FOXP1: variants seen among roughly 807,000 people sequenced by gnomAD.
FOXP1 encodes forkhead box protein P1.
FOXP1 carries 15 observed loss-of-function variants against 98.2 expected under a neutral mutation model. The observed-to-expected ratio is 0.15, with a 90% CI of 0.10 to 0.24. FOXP1 has a LOEUF of 0.24. Among genes scored for constraint, FOXP1 ranks in the 10% least tolerant of loss-of-function variants. The pLI is 1.00. For missense variants in FOXP1, 633 were observed against 848.5 expected, an observed-to-expected ratio of 0.75 and a Z score of 3.15; for synonymous variants, 371 against 314.5, an observed-to-expected ratio of 1.18 and a Z score of -1.90.
chr3:71,509,797 C>T (rs1394195182), intron 2 of FOXP1, among the ~76,000 whole-genome samples: 3 of 152,174 alleles, frequency 2.0e-5, no homozygotes, highest in African/African-American at 7.2e-5. Flanking sequence ...AAGAAGATCA[C>T]TTGAGCACAG....
chr3:71,294,588 GAATT>G (rs2073092781), intron 5 of FOXP1, among the ~76,000 whole-genome samples: 1 of 152,038 alleles, frequency 6.6e-6, no homozygotes, highest in African/African-American at 2.4e-5. Flanking sequence ...TCTGCAGTAA[GAATT>G]AATATATGTA....
chr3:71,407,301 G>A (rs1028226666), intron 3 of FOXP1, among the ~76,000 whole-genome samples: 1 of 152,140 alleles, frequency 6.6e-6, no homozygotes. Context: ...GTTTTTTGGA[G>A]GCTGGGGTGG....
intron 19 of FOXP1, among the ~76,000 whole-genome samples, chr3:70,967,627 T>TTTC (rs2035093084): frequency 6.6e-6 from 1 of 150,802 alleles, no homozygotes; most frequent in Non-Finnish European, 1.5e-5. Flanking sequence ...ATAAAGCTTT[T>TTTC]TTTCTTTCTT....
At chr3:71,139,732 C>G (rs991799912) in intron 6 of FOXP1, among the ~76,000 whole-genome samples, 185 of 152,152 alleles carry the variant, frequency 1.2e-3, no homozygotes, top group African/African-American at 4.3e-3. Context: ...GGAAGCCAAC[C>G]AAGTGGAGAC....
At chr3:71,158,205 G>C (rs1466871337) in intron 6 of FOXP1, among the ~76,000 whole-genome samples, 1 of 151,208 alleles carries the variant, frequency 6.6e-6, no homozygotes, top group Non-Finnish European at 1.5e-5. Flanking sequence ...AAGAAAGAAA[G>C]GGAAAGAAAG....
At chr3:71,250,927 T>C (rs1398250306) in intron 5 of FOXP1, among the ~76,000 whole-genome samples, 1 of 152,014 alleles carries the variant, frequency 6.6e-6, no homozygotes, top group Non-Finnish European at 1.5e-5. Flanking sequence ...TGAGACTGTG[T>C]CTCAAAAAAA....
At chr3:70,999,694 C>G (rs988978519) in intron 13 of FOXP1, among the ~76,000 whole-genome samples, 3 of 151,186 alleles carry the variant, frequency 2.0e-5, no homozygotes, top group Admixed American at 1.3e-4. Flanking sequence ...AAAAAAAAAT[C>G]CTTTCTATCC....
intron 3 of FOXP1, among the ~76,000 whole-genome samples, chr3:71,361,720 T>C (rs2078584827): frequency 6.6e-6 from 1 of 152,208 alleles, no homozygotes; most frequent in Non-Finnish European, 1.5e-5. Flanking sequence ...CCGGTCTGCT[T>C]TCACCGCTGC....
chr3:71,384,728 G>A (rs1289824799), intron 3 of FOXP1, among the ~76,000 whole-genome samples: 1 of 152,184 alleles, frequency 6.6e-6, no homozygotes, highest in African/African-American at 2.4e-5. Context: ...CATATCACTG[G>A]CAGTCTGAGT....
At chr3:71,199,110 CTTT>C (rs11441489) in intron 5 of FOXP1, among the ~76,000 whole-genome samples, 3 of 140,278 alleles carry the variant, frequency 2.1e-5, no homozygotes, top group Non-Finnish European at 1.5e-5. Context: ...TGGTATTACA[CTTT>C]TTTTTTTTTT....
intron 6 of FOXP1, among the ~76,000 whole-genome samples, chr3:71,134,584 C>G (rs1232922486): frequency 6.6e-6 from 1 of 152,124 alleles, no homozygotes; most frequent in Non-Finnish European, 1.5e-5. Flanking sequence ...GGAAAAAATA[C>G]AGCGAAACAA....
rs566238636 is a variant in FOXP1, at chr3:71,158,762, C to T, written c.180+39440G>A. Among the ~76,000 whole-genome samples, 3 of 143,522 alleles carry T rather than the reference C, an allele frequency of 2.1e-5. No individual in the cohort carries two copies. In the South Asian group the frequency reaches 6.6e-4, roughly 32 times the overall value. The allele number at this position is 143,522 out of a possible 152,430, so 94.2% of individuals were successfully genotyped here. Reference sequence around the variant, plus strand: ...AAAAAAAAAAGGTAAATGGTGATCACAAATCCTGATATGTTACGTTGTCAA... The same window carrying T: ...AAAAAAAAAAGGTAAATGGTGATCATAAATCCTGATATGTTACGTTGTCAA... On this transcript the variant is annotated intron_variant, in intron 6 of 20. Coordinates refer to ENST00000649528, the MANE Select transcript of FOXP1 (RefSeq NM_001349338.3).
At chr3:71,582,969 C>A (rs1425700806) in intron 1 of FOXP1, among the ~76,000 whole-genome samples, 2 of 152,098 alleles carry the variant, frequency 1.3e-5, no homozygotes, top group Non-Finnish European at 2.9e-5. Context: ...GGGGCACACA[C>A]CCGCGGGGAA....
chr3:71,301,918 G>C (rs1415812502), intron 4 of FOXP1, among the ~76,000 whole-genome samples: 1 of 151,970 alleles, frequency 6.6e-6, no homozygotes, highest in Non-Finnish European at 1.5e-5. Context: ...TTTTCCCCTA[G>C]GGATACTGGG....
intron 4 of FOXP1, among the ~76,000 whole-genome samples, chr3:71,305,138 A>G (rs2107590592): frequency 6.6e-6 from 1 of 152,358 alleles, no homozygotes; most frequent in South Asian, 2.1e-4. Flanking sequence ...TCACTTTAAA[A>G]AAAGACTGGA....
At chr3:71,283,536 T>A (rs188065196) in intron 5 of FOXP1, among the ~76,000 whole-genome samples, 1 of 152,262 alleles carries the variant, frequency 6.6e-6, no homozygotes, top group East Asian at 1.9e-4. Flanking sequence ...ACAGGGAGAC[T>A]CCTGAAGGGA....
At chr3:71,368,630 C>G (rs1372074331) in intron 3 of FOXP1, among the ~76,000 whole-genome samples, 1 of 152,140 alleles carries the variant, frequency 6.6e-6, no homozygotes, top group Non-Finnish European at 1.5e-5. Context: ...CACATGATAA[C>G]TAATTTCACT....
intron 6 of FOXP1, among the ~76,000 whole-genome samples, chr3:71,172,490 T>C (rs1486756805): frequency 6.6e-6 from 1 of 152,208 alleles, no homozygotes; most frequent in Admixed American, 6.5e-5. Context: ...TACCAGGCAT[T>C]TTGACCTATA....
intron 2 of FOXP1, among the ~76,000 whole-genome samples, chr3:71,551,941 T>C (rs778461713): frequency 5.3e-5 from 8 of 152,210 alleles, no homozygotes; most frequent in Non-Finnish European, 1.2e-4. Context: ...CAGGAAGTGT[T>C]GAAATACTCA....
Sources: allele counts gnomAD v4.1 joint callset (sites outside exome capture counted in the v4.1 genomes callset), GRCh38; gene constraint gnomAD v4.1.1; transcripts MANE v1.5; gene names NCBI Gene and HGNC (gene_info 2026-07-23, HGNC 2026-07-21).